The following ENOX1 variants were observed in gnomAD, a reference collection of about 807,000 sequenced individuals.
ENOX1 encodes ecto-NOX disulfide-thiol exchanger 1, also known as candidate growth-related and time keeping constitutive hydroquinone (NADH) oxidase.
Under a neutral mutation model 82.5 loss-of-function variants are expected in ENOX1, and 42 were observed. The observed-to-expected ratio is 0.51, with a 90% CI of 0.40 to 0.66. The LOEUF (loss-of-function observed/expected upper bound fraction) is 0.66. Among genes scored for constraint, ENOX1 ranks in the 30% least tolerant of loss-of-function variants. The pLI, the probability that ENOX1 is intolerant of heterozygous loss-of-function variation, is 0.00. For synonymous variants in ENOX1, 271 were observed against 282.2 expected (o/e 0.96, Z 0.40); for missense variants, 608 against 811.6 (o/e 0.75, Z 3.05).
intron 1 of ENOX1, among the ~76,000 whole-genome samples, chr13:43,706,680 C>A: frequency 6.9e-6 from 1 of 145,406 alleles, no homozygotes; most frequent in Non-Finnish European, 1.5e-5. Flanking sequence ...ATAGAAAGGA[C>A]ATTTTACAAA....
intron 1 of ENOX1, among the ~76,000 whole-genome samples, chr13:43,699,332 T>C (rs1045284727): frequency 1.4e-4 from 21 of 152,280 alleles, no homozygotes; most frequent in Non-Finnish European, 2.6e-4. Context: ...ACACAACCCA[T>C]GCTAGCAAAA....
At chr13:43,512,291 C>T (rs943232671) in intron 2 of ENOX1, among the ~76,000 whole-genome samples, 1 of 152,052 alleles carries the variant, frequency 6.6e-6, no homozygotes, top group Non-Finnish European at 1.5e-5. Flanking sequence ...GGTTCTCATA[C>T]CATTTTGCAT....
intron 11 of ENOX1, among the ~76,000 whole-genome samples, chr13:43,321,655 T>TA (rs1180232054): frequency 6.6e-6 from 1 of 152,238 alleles, no homozygotes; most frequent in Non-Finnish European, 1.5e-5. Flanking sequence ...TCTCTGTAAT[T>TA]TTCTTTTTTG....
chr13:43,358,962 T>C (rs1464050863), intron 7 of ENOX1, among the ~76,000 whole-genome samples: 1 of 152,242 alleles, frequency 6.6e-6, no homozygotes, highest in African/African-American at 2.4e-5. Flanking sequence ...CTCTGCAGTA[T>C]TGGAATAACC....
chr13:43,616,162 C>CTATAGATATATAGA lies in ENOX1; in HGVS notation c.-219+51316_-219+51317insTCTATATATCTATA, dbSNP rs1566641605. 2.1e-3 allele frequency among the ~76,000 whole-genome samples: 16 copies of CTATAGATATATAGA among 7,660 alleles called. 1 individual carries two copies. The highest frequency in any genetic ancestry group is 0.025 in the East Asian group (1 of 40). 5.0% of individuals were successfully genotyped at this position (7,660 alleles called of 152,430 possible). A position where few individuals can be genotyped will look rare whatever the true frequency, so the allele number is the denominator to read the frequency against. ...TCTAGATATCTATATAGATAGATATCTATCTATCTATCTATCTATCTATCT... is the reference window on the plus strand; with the variant it reads ...TCTAGATATCTATATAGATAGATATCTATAGATATATAGATATCTATCTATCTATCTATCTATCT... On this transcript the variant is annotated intron_variant, in intron 2 of 16. Transcript: ENST00000690772.
At chr13:43,306,813 C>T (rs897937226) in intron 11 of ENOX1, among the ~76,000 whole-genome samples, 10 of 108,746 alleles carry the variant, frequency 9.2e-5, no homozygotes, top group Non-Finnish European at 3.8e-5. Flanking sequence ...TCCTGCTCTA[C>T]CCTCTACATA....
At chr13:43,284,144 T>C (rs895795306) in intron 12 of ENOX1, among the ~76,000 whole-genome samples, 2 of 152,168 alleles carry the variant, frequency 1.3e-5, no homozygotes, top group African/African-American at 4.8e-5. Context: ...TTATATGTCC[T>C]ACATATTGAG....
intron 2 of ENOX1, among the ~76,000 whole-genome samples, chr13:43,584,958 G>A (rs2080911991): frequency 6.6e-6 from 1 of 152,186 alleles, no homozygotes; most frequent in South Asian, 2.1e-4. Flanking sequence ...CACCCCAACT[G>A]TGGTAGGCTG....
At chr13:43,681,201 A>G (rs1157246398) in intron 1 of ENOX1, among the ~76,000 whole-genome samples, 10 of 152,124 alleles carry the variant, frequency 6.6e-5, no homozygotes, top group Non-Finnish European at 1.2e-4. Context: ...CTTTTGTTTT[A>G]TAGAATATGA....
At chr13:43,360,576 A>T (rs1416820198) in intron 6 of ENOX1, among the ~76,000 whole-genome samples, 1 of 152,204 alleles carries the variant, frequency 6.6e-6, no homozygotes, top group African/African-American at 2.4e-5. Context: ...TGAGCAAACT[A>T]TTAAATTTTG....
chr13:43,711,312 T>C (rs540169757), intron 1 of ENOX1, among the ~76,000 whole-genome samples: 1 of 152,240 alleles, frequency 6.6e-6, no homozygotes, highest in South Asian at 2.1e-4. Context: ...CATAATCCAG[T>C]CTTACCGTTG....
Position 43,413,154 on chromosome 13 carries a change from A to G in ENOX1, c.-74-166T>C, listed in dbSNP as rs117445367. On this transcript the variant is annotated intron_variant, in intron 3 of 16. Transcript: ENST00000690772. ...TCGCTCAGCGGCTGTCTTGTGGCTC[A>G]GTTAAAACCTTAGAGCCCTGTGAGA... Among the ~76,000 whole-genome samples, 908 of 152,340 alleles carry G rather than the reference A, an allele frequency of 6.0e-3. 23 individuals are homozygous for G. The East Asian group carries it at 0.098, about 17-fold the overall frequency.
intron 5 of ENOX1, among the ~76,000 whole-genome samples, chr13:43,362,733 C>T (rs1436399439): frequency 1.3e-5 from 2 of 152,196 alleles, no homozygotes; most frequent in Non-Finnish European, 2.9e-5. Context: ...CTAGCAAAAG[C>T]GTTTCCTTTC....
intron 2 of ENOX1, among the ~76,000 whole-genome samples, chr13:43,513,524 T>C (rs2077448282): frequency 6.8e-6 from 1 of 147,782 alleles, no homozygotes; most frequent in Non-Finnish European, 1.5e-5. Flanking sequence ...CATCCTGAAG[T>C]AATAATACAC....
intron 1 of ENOX1, among the ~76,000 whole-genome samples, chr13:43,749,607 C>CA (rs1042915488): frequency 2.6e-5 from 4 of 152,118 alleles, no homozygotes; most frequent in Admixed American, 2.0e-4. Flanking sequence ...TCCTCACGGG[C>CA]AATTAGCAAG....
At chr13:43,642,323 T>C (rs528342324) in intron 2 of ENOX1, among the ~76,000 whole-genome samples, 4 of 152,132 alleles carry the variant, frequency 2.6e-5, no homozygotes, top group African/African-American at 9.7e-5. Flanking sequence ...GAAAGAAAGC[T>C]GGGAGCTGGA....
intron 9 of ENOX1, among the ~76,000 whole-genome samples, chr13:43,326,876 G>C (rs980954933): frequency 2.6e-5 from 4 of 152,192 alleles, no homozygotes; most frequent in African/African-American, 9.7e-5. Context: ...CAGATATACA[G>C]ACAAAGTAAT....
Position 43,213,970 on chromosome 13 carries a change from A to G in ENOX1, c.*20T>C. ...CAGGTTCACATGGTTTCATTTCCAGAGATGCTTTGCTCTTCGCAGTTAGGT... is the reference window on the plus strand; with the variant it reads ...CAGGTTCACATGGTTTCATTTCCAGGGATGCTTTGCTCTTCGCAGTTAGGT... On this transcript the variant is annotated 3_prime_UTR_variant, in exon 17 of 17. Coordinates refer to ENST00000690772, the MANE Select transcript of ENOX1 (RefSeq NM_001347969.2). 1.2e-6 allele frequency: 2 copies of G among 1,610,272 alleles called. No individual in the cohort carries two copies. The highest frequency in any genetic ancestry group is 1.7e-6 in the Non-Finnish European group (2 of 1,177,642).
chr13:43,584,275 T>C (rs1015634398), intron 2 of ENOX1, among the ~76,000 whole-genome samples: 2 of 152,192 alleles, frequency 1.3e-5, no homozygotes, highest in Non-Finnish European at 2.9e-5. Flanking sequence ...TGGAAGCAAG[T>C]ATTTCACAAA....
Sources: allele counts gnomAD v4.1 joint callset (sites outside exome capture counted in the v4.1 genomes callset), GRCh38; gene constraint gnomAD v4.1.1; transcripts MANE v1.5; gene names NCBI Gene and HGNC (gene_info 2026-07-23, HGNC 2026-07-21).